The following RBFOX2 variants were observed in gnomAD, a reference collection of about 807,000 sequenced individuals.
The protein encoded by RBFOX2 is RNA binding fox-1 homolog 2, also known as RNA binding protein fox-1 homolog 2.
Under a neutral mutation model 49.1 loss-of-function variants are expected in RBFOX2, and 10 were observed. The ratio of observed to expected loss-of-function variants is 0.20; its 90% CI spans 0.13 to 0.35. RBFOX2 has a LOEUF of 0.35. RBFOX2 is among the 10% of genes least tolerant of loss of function. The probability of loss-of-function intolerance (pLI) is 1.00; values close to 1 mark genes in which losing one functional copy is unlikely to be tolerated. For synonymous variants in RBFOX2, 183 were observed against 187.4 expected, an observed-to-expected ratio of 0.98 and a Z score of 0.19; for missense variants, 323 against 486.9, an observed-to-expected ratio of 0.66 and a Z score of 3.17.
At chr22:35,869,698 C>T (rs1440183790) in intron 1 of RBFOX2, among the ~76,000 whole-genome samples, 6 of 151,982 alleles carry the variant, frequency 3.9e-5, no homozygotes, top group Non-Finnish European at 8.8e-5. Flanking sequence ...AATATATTGC[C>T]CCTTATGGTC....
At chr22:35,845,010 T>C (rs2040997181), upstream of RBFOX2, among the ~76,000 whole-genome samples, 2 of 152,112 alleles carry the variant, frequency 1.3e-5, no homozygotes, top group Admixed American at 1.3e-4. Flanking sequence ...TCCACCCACA[T>C]ACCAGCACTG....
intron 1 of RBFOX2, among the ~76,000 whole-genome samples, chr22:36,025,292 T>A (rs1047929887): frequency 6.6e-6 from 1 of 152,186 alleles, no homozygotes; most frequent in Non-Finnish European, 1.5e-5. Flanking sequence ...ACCTGAACCC[T>A]CTTTCCGAAA....
intron 1 of RBFOX2, among the ~76,000 whole-genome samples, chr22:36,024,517 G>A (rs903220602): frequency 1.1e-4 from 16 of 151,988 alleles, no homozygotes; most frequent in East Asian, 5.9e-4. Context: ...CAACGCAGGC[G>A]ATCACCTGAG....
At chr22:35,905,336 A>T (rs2049010923) in intron 1 of RBFOX2, among the ~76,000 whole-genome samples, 1 of 152,230 alleles carries the variant, frequency 6.6e-6, no homozygotes, top group African/African-American at 2.4e-5. Flanking sequence ...AAATGGTGCC[A>T]CTTAGTAAGG....
intron 1 of RBFOX2, among the ~76,000 whole-genome samples, chr22:35,901,973 A>G (rs910572653): frequency 6.6e-6 from 1 of 151,980 alleles, no homozygotes; most frequent in South Asian, 2.1e-4. Context: ...TCAGCTACTC[A>G]GGAGGCTGAG....
At chr22:35,975,520 A>G (rs556164381) in intron 1 of RBFOX2, among the ~76,000 whole-genome samples, 4 of 152,366 alleles carry the variant, frequency 2.6e-5, no homozygotes, top group Middle Eastern at 3.4e-3. Context: ...TAGGAATCCA[A>G]TGAAATAACT....
rs1226164599 is a variant in RBFOX2, at chr22:35,936,995, G to C, written c.-34+1852C>G. On this transcript the variant is annotated intron_variant, in intron 1 of 13. Transcript: ENST00000359369. Reference sequence around the variant, plus strand: ...ATTAGTTTGCAAGACTAGATTAAGAGACTAACCACGACCCCTTTATTACAT... The same window carrying C: ...ATTAGTTTGCAAGACTAGATTAAGACACTAACCACGACCCCTTTATTACAT... Among the ~76,000 whole-genome samples the C allele has an allele frequency of 2.0e-5, 3 of 152,314 alleles. No homozygotes were observed. The East Asian group carries it at 5.8e-4, about 29-fold the overall frequency.
chr22:35,769,638 A>G (rs1223879263), intron 4 of RBFOX2, among the ~76,000 whole-genome samples: 1 of 152,156 alleles, frequency 6.6e-6, no homozygotes, highest in African/African-American at 2.4e-5. Flanking sequence ...TTGTCCTGCT[A>G]GCGTTTTTTG....
chr22:35,798,421 A>C (rs1037772665), intron 2 of RBFOX2, among the ~76,000 whole-genome samples: 3 of 152,260 alleles, frequency 2.0e-5, no homozygotes, highest in African/African-American at 7.2e-5. Context: ...TATGGGAAAT[A>C]ATGCAGGCTC....
chr22:35,895,552 A>T (rs2047740990), intron 1 of RBFOX2, among the ~76,000 whole-genome samples: 1 of 152,222 alleles, frequency 6.6e-6, no homozygotes, highest in African/African-American at 2.4e-5. Flanking sequence ...AGGAAAACTT[A>T]AGATATAAAA....
chr22:35,768,394 T>A, intron 4 of RBFOX2, 45 bp from the exon 6 acceptor site: 1 of 1,486,540 alleles, frequency 6.7e-7, no homozygotes, highest in African/African-American at 1.4e-5. Flanking sequence ...CATCGTTATA[T>A]TGAAATACTG....
chr22:35,840,846 T>G (rs1958643770), upstream of RBFOX2, among the ~76,000 whole-genome samples: 1 of 152,194 alleles, frequency 6.6e-6, no homozygotes, highest in Non-Finnish European at 1.5e-5. Flanking sequence ...TAATAAAACA[T>G]TTTTACTGAT....
chr22:35,743,794 C>T (rs1931081241), exon 12 of RBFOX2: 1 of 158,420 alleles, frequency 6.3e-6, no homozygotes, highest in Non-Finnish European at 1.4e-5. Flanking sequence ...GCACCAGATA[C>T]ACTTTGGTAA....
chr22:35,794,532 C>T (rs1401870786), intron 2 of RBFOX2, among the ~76,000 whole-genome samples: 1 of 151,920 alleles, frequency 6.6e-6, no homozygotes, highest in African/African-American at 2.4e-5. Flanking sequence ...GTGGTGGGCA[C>T]CTGTGGTCCC....
rs56137825 is a variant in RBFOX2, at chr22:35,875,607, GGTGTGTGTGTGTGTGTGTGTGTGTGTGT to G, written c.-34+63212_-34+63239del. ...CTGCGAATTAATAAATGCTCACAAG[GGTGTGTGTGTGTGTGTGTGTGTGTGTGT>G]GTGTGTGTGTGTGTGTGTGTGTGTG... On this transcript the variant is annotated intron_variant, in intron 1 of 13. Transcript: ENST00000359369. Among the ~76,000 whole-genome samples, 168 of 117,724 alleles carry G rather than the reference GGTGTGTGTGTGTGTGTGTGTGTGTGTGT, an allele frequency of 1.4e-3. 1 individual carries two copies. The highest frequency in any genetic ancestry group is 4.7e-3 in the African/African-American group (142 of 30,298). 77.2% of individuals were successfully genotyped at this position (117,724 alleles called of 152,430 possible).
chr22:35,946,962 A>C (rs562805881), intron 1 of RBFOX2, among the ~76,000 whole-genome samples: 254 of 152,236 alleles, frequency 1.7e-3, no homozygotes, highest in African/African-American at 5.9e-3. Flanking sequence ...GAGGCCGAGG[A>C]GGGAGGATCA....
chr22:35,759,966 G>A lies in RBFOX2; in HGVS notation c.809C>T (p.Ala270Val). ...TGTCCGCCCTCTGCCCCTCAAATGGGCTCCTCTGAAAGCGGCTGCCGTGGT... is the reference window on the plus strand; with the variant it reads ...TGTCCGCCCTCTGCCCCTCAAATGGACTCCTCTGAAAGCGGCTGCCGTGGT... Residue 270 changes from alanine to valine, a missense_variant, in exon 9 of 12, where the codon GCC (alanine) becomes GTC (valine). Ala to Val is a moderately conservative substitution (Grantham distance 64). This residue lies in a region of RBFOX2 where 200 missense variants were observed against 370.0 expected (regional missense o/e 0.54). Transcript: ENST00000405409. The surrounding 1 kb of genome is among the most constrained non-coding windows in gnomAD (Gnocchi z 4.6). The A allele has an allele frequency of 6.2e-7, 1 of 1,613,878 alleles. No homozygotes were observed. Among genetic ancestry groups the A allele is most frequent in the Non-Finnish European group, 8.5e-7 (1 of 1,180,034 alleles).
At chr22:35,925,899 T>C (rs1266401805) in intron 1 of RBFOX2, among the ~76,000 whole-genome samples, 1 of 152,196 alleles carries the variant, frequency 6.6e-6, no homozygotes, top group Non-Finnish European at 1.5e-5. Flanking sequence ...CATGATTACA[T>C]AGTACTTGCT....
rs188000398 is a variant in RBFOX2 at position 36,025,525 on chromosome 22, T to C, written c.186+2715A>G. Among the ~76,000 whole-genome samples the C allele has an allele frequency of 5.3e-5, 8 of 152,342 alleles. No homozygotes were observed. In the South Asian group the frequency reaches 6.2e-4, roughly 12 times the overall value. Reference sequence around the variant, plus strand: ...TTTTTGTTGTTGTTGTTCACTATTATATCTCTTAGGGTTAAAACAGTGCCT... The same window carrying C: ...TTTTTGTTGTTGTTGTTCACTATTACATCTCTTAGGGTTAAAACAGTGCCT... On this transcript the variant is annotated intron_variant, in intron 1 of 13. Transcript: ENST00000438146.
Sources: gnomAD v4.1 joint callset for allele counts (sites outside exome capture counted in the v4.1 genomes callset) on GRCh38, gnomAD v4.1.1 for gene constraint, gnomAD v4.1.1 regional missense constraint, Gnocchi (gnomAD v3.1) non-coding constraint, MANE v1.5 for transcripts, NCBI Gene and HGNC (gene_info 2026-07-23, HGNC 2026-07-21) for gene names.